CD46: variants seen among roughly 807,000 people sequenced by gnomAD.
The protein encoded by CD46 is CD46 molecule.
In CD46, 30 loss-of-function variants were observed where a neutral mutation model predicts 53.3. The ratio of observed to expected loss-of-function variants is 0.56; its 90% CI spans 0.42 to 0.76. CD46 has a LOEUF of 0.76. Ranked by LOEUF, CD46 falls within the 30% of genes least tolerant of loss-of-function variation. The pLI, the probability that CD46 is intolerant of heterozygous loss-of-function variation, is 0.00. For missense variants in CD46, 409 were observed against 463.0 expected, an observed-to-expected ratio of 0.88 and a Z score of 1.07; for synonymous variants, 142 against 152.0, an observed-to-expected ratio of 0.93 and a Z score of 0.48.
rs149735523 is a variant in CD46, at chr1:207,776,820, G to C, written c.943+6458G>C. On this transcript the variant is annotated intron_variant, in intron 8 of 12. Transcript: ENST00000367042. ...TTTTTTTGTGTGTGAATTTTTTGTA[G>C]AGACAGGGTTTTGCCATGTTGGCAA... 1.1e-4 allele frequency among the ~76,000 whole-genome samples: 16 copies of C among 152,250 alleles called. No individual in the cohort carries two copies. In the East Asian group the frequency reaches 3.1e-3, roughly 29 times the overall value.
chr1:207,766,160 C>G (rs1357926544), intron 5 of CD46, among the ~76,000 whole-genome samples: 1 of 152,146 alleles, frequency 6.6e-6, no homozygotes, highest in Non-Finnish European at 1.5e-5. Context: ...AGAGGGGTAA[C>G]TCACAAAAGA....
chr1:207,762,140 A>C (rs1656287124), intron 5 of CD46, among the ~76,000 whole-genome samples: 1 of 152,242 alleles, frequency 6.6e-6, no homozygotes, highest in Non-Finnish European at 1.5e-5. Flanking sequence ...AGAATTGGAA[A>C]GTGTACAGGA....
chr1:207,753,160 C>T (rs1482747705), intron 1 of CD46, among the ~76,000 whole-genome samples: 1 of 152,082 alleles, frequency 6.6e-6, no homozygotes, highest in African/African-American at 2.4e-5. Flanking sequence ...GGCTTTTTGA[C>T]ATTGTTTTCC....
At chr1:207,782,190 T>C (rs115323291) in intron 8 of CD46, among the ~76,000 whole-genome samples, 4 of 152,186 alleles carry the variant, frequency 2.6e-5, no homozygotes, top group African/African-American at 7.2e-5. Flanking sequence ...ACAAATGATA[T>C]TGTTTTCTTA....
At chr1:207,782,154 A>T (rs1447476576) in intron 8 of CD46, among the ~76,000 whole-genome samples, 1 of 151,956 alleles carries the variant, frequency 6.6e-6, no homozygotes, top group Non-Finnish European at 1.5e-5. Flanking sequence ...TTTATTCCTA[A>T]GTATTTTATT....
chr1:207,752,383 C>A lies in CD46; in HGVS notation c.97+74C>A, dbSNP rs1000772099. The stretch of plus-strand genomic sequence containing the variant: ...CCTCAGTCGGGCAAGAGTCGCGGGG[C>A]GGGGCTCACAGCAGGCCGTGCCTGT... On this transcript the variant is annotated intron_variant, in intron 1 of 12. Transcript: ENST00000367042. This position sits in a 1 kb window ranked among gnomAD's most constrained non-coding sequence, Gnocchi z 4.1. The A allele has an allele frequency of 1.4e-5, 20 of 1,390,022 alleles. No homozygotes were observed. The highest frequency in any genetic ancestry group is 2.0e-5 in the Non-Finnish European group (20 of 979,644). The allele number at this position is 1,390,022 out of a possible 1,614,324, so 86.1% of individuals were successfully genotyped here.
intron 12 of CD46, among the ~76,000 whole-genome samples, chr1:207,791,198 G>A (rs1659766521): frequency 6.6e-6 from 1 of 152,120 alleles, no homozygotes; most frequent in Admixed American, 6.5e-5. Flanking sequence ...CTTATCCACG[G>A]GGGATACATT....
intron 11 of CD46, among the ~76,000 whole-genome samples, chr1:207,787,304 T>C (rs1659360395): frequency 6.6e-6 from 1 of 152,150 alleles, no homozygotes; most frequent in African/African-American, 2.4e-5. Flanking sequence ...ACTCCTGACC[T>C]CAGGTAATCC....
At chr1:207,764,502 C>T (rs1179015363) in intron 5 of CD46, among the ~76,000 whole-genome samples, 1 of 152,146 alleles carries the variant, frequency 6.6e-6, no homozygotes, top group South Asian at 2.1e-4. Context: ...TTTCTGACTT[C>T]CCCCCATCCC....
At chr1:207,792,075 A>G (rs1341759819) in intron 12 of CD46, among the ~76,000 whole-genome samples, 1 of 152,138 alleles carries the variant, frequency 6.6e-6, no homozygotes, top group Non-Finnish European at 1.5e-5. Flanking sequence ...TTAAGGTTTG[A>G]GACCAGGTTG....
At chr1:207,771,453 A>C (rs952301907) in intron 8 of CD46, among the ~76,000 whole-genome samples, 1 of 151,850 alleles carries the variant, frequency 6.6e-6, no homozygotes. Context: ...TTGGTGTTTT[A>C]GTTATGAAGT....
rs41317833 is a variant in CD46 at position 207,770,345 on chromosome 1, C to T, written c.926C>T (p.Pro309Leu). 3.8e-4 allele frequency: 611 copies of T among 1,605,328 alleles called. 3 individuals carry two copies. In the African/African-American group the frequency reaches 7.1e-3, roughly 19 times the overall value. ...GGTCCTAGGCCTACTTACAAGCCTC[C>T]AGTCTCAAATTATCCAGGTTGGTTA... The part of the protein sequence containing the change: ...ASGPRPTYKP[P>L]VSNYPGYPKP... The change falls in exon 8 of 13, where the codon CCA becomes CTA. Residue 309 changes from proline to leucine, a missense_variant. By Grantham distance (98) the Pro-to-Leu change is moderately conservative. Transcript: ENST00000367042.
At chr1:207,778,762 T>C (rs1040467107) in intron 8 of CD46, among the ~76,000 whole-genome samples, 1 of 152,226 alleles carries the variant, frequency 6.6e-6, no homozygotes, top group African/African-American at 2.4e-5. Context: ...TTTTCTTGAC[T>C]ATTCAGGCTC....
At chr1:207,759,549 A>G (rs554279912) in intron 3 of CD46, 90 bp from the exon 4 acceptor site, 1 of 736,814 alleles carries the variant, frequency 1.4e-6, no homozygotes, top group East Asian at 2.7e-5. Context: ...ACTGTAGTGT[A>G]GAAAAGAAAC....
At chr1:207,792,886 C>A (rs984773016) in intron 12 of CD46, among the ~76,000 whole-genome samples, 3 of 152,158 alleles carry the variant, frequency 2.0e-5, no homozygotes, top group Middle Eastern at 6.8e-3. Context: ...TGGTTATACT[C>A]GGTTAAAGAA....
rs11370836 is a variant in CD46, at chr1:207,759,973, C to CA, written c.475+250dup. ...TATTTCCCAGGCTGGGGTGCAGTGG[C>CA]ACAATCTCAGCTCATTGCAGCCTCA... On this transcript the variant is annotated intron_variant, in intron 4 of 12. Transcript: ENST00000367042. The CA allele has an allele frequency of 0.62, 235,932 of 379,954 alleles. 75,128 individuals carry two copies. Among genetic ancestry groups the CA allele is most frequent in the East Asian group, 0.91 (15,986 of 17,632 alleles). The allele number at this position is 379,954 out of a possible 1,614,324, so 23.5% of individuals were successfully genotyped here.
chr1:207,788,000 A>C (rs569724992), intron 11 of CD46, among the ~76,000 whole-genome samples: 5 of 152,248 alleles, frequency 3.3e-5, no homozygotes, highest in African/African-American at 9.6e-5. Context: ...CCCAGTGCTG[A>C]TGCTGCTGCT....
At chr1:207,757,310 G>C (rs1316556480) in intron 2 of CD46, 108 bp downstream of exon 2, 2 of 1,094,610 alleles carry the variant, frequency 1.8e-6, no homozygotes, top group African/African-American at 3.1e-5. Flanking sequence ...GTAAAATGAG[G>C]TTCAAGATAA....
In CD46 at chr1:207,764,203, C is replaced by T. The variant is rs542729950; in HGVS notation, c.673+2757C>T. Among the ~76,000 whole-genome samples the T allele has an allele frequency of 6.6e-5, 10 of 152,264 alleles. No individual in the cohort carries two copies. In the South Asian group the frequency reaches 1.0e-3, roughly 16 times the overall value. On this transcript the variant is annotated intron_variant, in intron 5 of 12. Transcript: ENST00000367042. ...ACAGCACAGGCACCTGCTCTGGGCA[C>T]GGACTGAGCTCCTGGGGTGTGCACG...
Sources: allele counts gnomAD v4.1 joint callset (sites outside exome capture counted in the v4.1 genomes callset), GRCh38; gene constraint gnomAD v4.1.1; non-coding constraint Gnocchi (gnomAD v3.1); transcripts MANE v1.5; gene names NCBI Gene and HGNC (gene_info 2026-07-23, HGNC 2026-07-21).